The following DSCAM variants were observed in gnomAD, a reference collection of about 807,000 sequenced individuals.
DSCAM encodes DS cell adhesion molecule, also known as cell adhesion molecule DSCAM.
DSCAM carries 47 observed loss-of-function variants against 217.7 expected under a neutral mutation model. The observed-to-expected ratio is 0.22, with a 90% CI of 0.17 to 0.28. The LOEUF (loss-of-function observed/expected upper bound fraction) is 0.28, where lower values mean the gene tolerates loss of function less well. Among genes scored for constraint, DSCAM ranks in the 10% least tolerant of loss-of-function variants. The probability of loss-of-function intolerance (pLI) is 1.00; values close to 1 mark genes in which losing one functional copy is unlikely to be tolerated. For synonymous variants in DSCAM, 1,056 were observed against 1,015.3 expected (o/e 1.04, Z -0.76); for missense variants, 2,080 against 2,618.3 (o/e 0.79, Z 4.49).
intron 16 of DSCAM, among the ~76,000 whole-genome samples, chr21:40,156,775 C>T (rs575626598): frequency 7.8e-4 from 118 of 152,252 alleles, no homozygotes; most frequent in African/African-American, 2.6e-3. Flanking sequence ...AGATGAGGAA[C>T]TTATTGGGAA....
chr21:40,043,290 A>T (rs1206338143), intron 31 of DSCAM, among the ~76,000 whole-genome samples: 1 of 152,138 alleles, frequency 6.6e-6, no homozygotes, highest in Non-Finnish European at 1.5e-5. Context: ...GGTCAGGGAG[A>T]TGTCTGCGTT....
At chr21:40,128,183 T>A (rs2090116458) in intron 19 of DSCAM, among the ~76,000 whole-genome samples, 1 of 149,820 alleles carries the variant, frequency 6.7e-6, no homozygotes, top group African/African-American at 2.5e-5. Flanking sequence ...ACCATGCCCA[T>A]CCTGTTTCTC....
At chr21:40,076,436 A>ATCTTGGCTTTCT (rs1282022703) in intron 26 of DSCAM, among the ~76,000 whole-genome samples, 1 of 152,228 alleles carries the variant, frequency 6.6e-6, no homozygotes, top group Non-Finnish European at 1.5e-5. Flanking sequence ...TCTCAAGATA[A>ATCTTGGCTTTCT]CAAAGTTCTT....
chr21:40,459,232 A>G (rs1191824422), intron 3 of DSCAM, among the ~76,000 whole-genome samples: 1 of 152,190 alleles, frequency 6.6e-6, no homozygotes, highest in Non-Finnish European at 1.5e-5. Context: ...CTAAGCAAGA[A>G]AAGAAGAACA....
chr21:40,359,844 A>G (rs2074738427), intron 4 of DSCAM, among the ~76,000 whole-genome samples: 1 of 152,174 alleles, frequency 6.6e-6, no homozygotes, highest in South Asian at 2.1e-4. Flanking sequence ...GGTGGTGAAA[A>G]TATTCTAAAA....
chr21:40,393,557 G>A (rs2075152700), intron 3 of DSCAM, among the ~76,000 whole-genome samples: 1 of 151,878 alleles, frequency 6.6e-6, no homozygotes, highest in Admixed American at 6.6e-5. Context: ...ACAAGTATAG[G>A]CACAGTGTGA....
At chr21:40,797,966 A>G (rs1293959244) in intron 1 of DSCAM, among the ~76,000 whole-genome samples, 1 of 152,128 alleles carries the variant, frequency 6.6e-6, no homozygotes, top group Non-Finnish European at 1.5e-5. Flanking sequence ...AAGATCCTTC[A>G]TTAGATGCAC....
At chr21:40,577,867 G>A (rs1258286475) in intron 3 of DSCAM, among the ~76,000 whole-genome samples, 3 of 152,152 alleles carry the variant, frequency 2.0e-5, no homozygotes, top group Non-Finnish European at 4.4e-5. Flanking sequence ...CCTGGGAACT[G>A]CGGATACAGC....
At chr21:40,532,218 C>G (rs1426488310) in intron 3 of DSCAM, among the ~76,000 whole-genome samples, 1 of 151,992 alleles carries the variant, frequency 6.6e-6, no homozygotes, top group East Asian at 1.9e-4. Context: ...CTTTAAAATT[C>G]AAACCACTGG....
At chr21:40,657,787 T>A (rs1238269204) in intron 3 of DSCAM, among the ~76,000 whole-genome samples, 1 of 152,154 alleles carries the variant, frequency 6.6e-6, no homozygotes, top group African/African-American at 2.4e-5. Flanking sequence ...TTCTGGAAGG[T>A]TGGATACCGA....
At chr21:40,321,804 T>A (rs1464632640) in intron 8 of DSCAM, among the ~76,000 whole-genome samples, 1 of 152,108 alleles carries the variant, frequency 6.6e-6, no homozygotes, top group Non-Finnish European at 1.5e-5. Flanking sequence ...ACTGGGAGTA[T>A]CCTTTGTGTC....
At chr21:40,545,502 A>C (rs2076574889) in intron 3 of DSCAM, among the ~76,000 whole-genome samples, 1 of 152,142 alleles carries the variant, frequency 6.6e-6, no homozygotes, top group Non-Finnish European at 1.5e-5. Context: ...GTGCTTTAAT[A>C]GTTTATAAAA....
At chr21:40,617,903 G>A (rs2089426191) in intron 3 of DSCAM, among the ~76,000 whole-genome samples, 1 of 152,210 alleles carries the variant, frequency 6.6e-6, no homozygotes, top group African/African-American at 2.4e-5. Flanking sequence ...GCCAGACAGA[G>A]GACGGGTGTT....
chr21:40,680,177 T>C (rs1282488752), intron 3 of DSCAM, among the ~76,000 whole-genome samples: 2 of 152,210 alleles, frequency 1.3e-5, no homozygotes, highest in African/African-American at 2.4e-5. Flanking sequence ...CAAGGTTATA[T>C]GACTAACTCA....
intron 3 of DSCAM, among the ~76,000 whole-genome samples, chr21:40,569,935 G>A (rs989717199): frequency 3.3e-5 from 5 of 152,106 alleles, no homozygotes; most frequent in Non-Finnish European, 4.4e-5. Context: ...TGGTATGAAC[G>A]TAAGGAAGCA....
At chr21:40,470,926 C>T (rs533244271) in intron 3 of DSCAM, among the ~76,000 whole-genome samples, 14 of 152,312 alleles carry the variant, frequency 9.2e-5, no homozygotes, top group African/African-American at 3.4e-4. Context: ...TAGAATGCCA[C>T]ATGTAGAAGA....
intron 1 of DSCAM, among the ~76,000 whole-genome samples, chr21:40,807,358 G>C (rs576735693): frequency 6.6e-6 from 1 of 152,188 alleles, no homozygotes; most frequent in East Asian, 1.9e-4. Flanking sequence ...GCTTTGGATG[G>C]ACACTAAGGA....
chr21:40,289,028 C>CTTTGTATATAAACAATAGAATT (rs1384618016), intron 10 of DSCAM, among the ~76,000 whole-genome samples: 3 of 152,170 alleles, frequency 2.0e-5, no homozygotes, highest in Non-Finnish European at 4.4e-5. Flanking sequence ...TTTAATGACC[C>CTTTGTATATAAACAATAGAATT]TTTGTATATA....
intron 3 of DSCAM, among the ~76,000 whole-genome samples, chr21:40,635,648 G>A (rs773758427): frequency 1.3e-5 from 2 of 152,110 alleles, no homozygotes; most frequent in African/African-American, 4.8e-5. Flanking sequence ...GTTATTTCAA[G>A]TACACAAGAT....
Sources: allele counts gnomAD v4.1 joint callset (sites outside exome capture counted in the v4.1 genomes callset), GRCh38; gene constraint gnomAD v4.1.1; transcripts MANE v1.5; gene names NCBI Gene and HGNC (gene_info 2026-07-23, HGNC 2026-07-21).